Variants in ARHGAP15 observed in about 807,000 individuals in gnomAD.
ARHGAP15 encodes rho GTPase-activating protein 15.
ARHGAP15 carries 51 observed loss-of-function variants against 63.7 expected under a neutral mutation model. The ratio of observed to expected loss-of-function variants is 0.80; its 90% confidence interval spans 0.64 to 1.01. ARHGAP15 has a LOEUF of 1.01. Ranked by LOEUF, ARHGAP15 falls within the 50% of genes least tolerant of loss-of-function variation. ARHGAP15 has a pLI of 0.00. For missense variants in ARHGAP15, 560 were observed against 564.6 expected, an observed-to-expected ratio of 0.99 and a Z score of 0.08; for synonymous variants, 191 against 193.8, an observed-to-expected ratio of 0.99 and a Z score of 0.12.
At chr2:143,211,398 G>T (rs1692558231) in intron 3 of ARHGAP15, among the ~76,000 whole-genome samples, 1 of 151,870 alleles carries the variant, frequency 6.6e-6, no homozygotes, top group South Asian at 2.1e-4. Context: ...TCATTTGGGG[G>T]TAAAATAATG....
chr2:143,470,920 GTATATGTGTA>G (rs1691506630), intron 8 of ARHGAP15, among the ~76,000 whole-genome samples: 1 of 147,614 alleles, frequency 6.8e-6, no homozygotes. Context: ...ACACGTATGT[GTATATGTGTA>G]TATATGTGTG....
chr2:143,337,850 A>G (rs991232700), intron 6 of ARHGAP15, among the ~76,000 whole-genome samples: 1 of 152,228 alleles, frequency 6.6e-6, no homozygotes, highest in Non-Finnish European at 1.5e-5. Flanking sequence ...AGAACACAGC[A>G]TTAAATTAAT....
chr2:143,262,530 C>T (rs1036615915), intron 6 of ARHGAP15, among the ~76,000 whole-genome samples: 2 of 105,168 alleles, frequency 1.9e-5, no homozygotes, highest in African/African-American at 4.1e-5. Context: ...GGGTCTGAAC[C>T]TTTGATTTTT....
At chr2:143,322,135 C>A (rs147047728) in intron 6 of ARHGAP15, among the ~76,000 whole-genome samples, 27 of 152,242 alleles carry the variant, frequency 1.8e-4, no homozygotes, top group Non-Finnish European at 3.5e-4. Context: ...GGAACAGTTC[C>A]AATGAGGCCG....
intron 6 of ARHGAP15, among the ~76,000 whole-genome samples, chr2:143,372,159 T>C (rs1364185853): frequency 6.6e-6 from 1 of 151,458 alleles, no homozygotes; most frequent in African/African-American, 2.4e-5. Flanking sequence ...GGCAACATAG[T>C]GAAACCCCAT....
intron 6 of ARHGAP15, among the ~76,000 whole-genome samples, chr2:143,334,216 C>A (rs1314004776): frequency 6.6e-6 from 1 of 152,126 alleles, no homozygotes; most frequent in Non-Finnish European, 1.5e-5. Context: ...ACAGATCTCT[C>A]TAATTTTTCT....
intron 2 of ARHGAP15, among the ~76,000 whole-genome samples, chr2:143,177,408 C>A (rs1222665437): frequency 1.3e-5 from 2 of 152,140 alleles, no homozygotes. Flanking sequence ...AAAATAGTCC[C>A]CACTCTCACC....
intron 3 of ARHGAP15, among the ~76,000 whole-genome samples, chr2:143,216,009 G>A (rs1359043115): frequency 6.6e-6 from 1 of 152,160 alleles, no homozygotes; most frequent in Admixed American, 6.5e-5. Flanking sequence ...AGGTACATGG[G>A]GAGGCTTGAA....
chr2:143,299,783 G>T (rs1682813910), intron 6 of ARHGAP15, among the ~76,000 whole-genome samples: 1 of 151,890 alleles, frequency 6.6e-6, no homozygotes, highest in African/African-American at 2.4e-5. Flanking sequence ...AGTCATAAGT[G>T]GTGAAAATTT....
chr2:143,526,644 C>G (rs966295314), intron 10 of ARHGAP15, among the ~76,000 whole-genome samples: 1 of 151,974 alleles, frequency 6.6e-6, no homozygotes, highest in African/African-American at 2.4e-5. Context: ...AAGAGTTCCA[C>G]CATAAAAATA....
intron 3 of ARHGAP15, among the ~76,000 whole-genome samples, chr2:143,208,333 A>G (rs1574092666): frequency 6.6e-6 from 1 of 152,336 alleles, no homozygotes; most frequent in Admixed American, 6.5e-5. Flanking sequence ...TTCACTTTAT[A>G]AAATGAAATC....
rs546192141 is a variant in ARHGAP15 at position 143,261,059 on chromosome 2, G to A, written c.474+10459G>A. Among the ~76,000 whole-genome samples, 15 of 152,274 alleles carry A rather than the reference G, an allele frequency of 9.9e-5. No individual in the cohort carries two copies. The East Asian group carries it at 2.9e-3, about 29-fold the overall frequency. On this transcript the variant is annotated intron_variant, in intron 6 of 13. Coordinates refer to ENST00000295095, the MANE Select transcript of ARHGAP15 (RefSeq NM_018460.4). Reference sequence around the variant, plus strand: ...CTCCATAATAGAGATAGTAAACCTTGTAGCTATGGTCAGGATGCCCTAGGT... The same window carrying A: ...CTCCATAATAGAGATAGTAAACCTTATAGCTATGGTCAGGATGCCCTAGGT...
intron 13 of ARHGAP15, among the ~76,000 whole-genome samples, chr2:143,713,861 C>T (rs2105446717): frequency 6.6e-6 from 1 of 152,322 alleles, no homozygotes; most frequent in South Asian, 2.1e-4. Context: ...TTAGGCAGCT[C>T]TGCCCCTGTG....
At chr2:143,221,934 A>G (rs1693017316) in intron 4 of ARHGAP15, among the ~76,000 whole-genome samples, 1 of 152,190 alleles carries the variant, frequency 6.6e-6, no homozygotes, top group African/African-American at 2.4e-5. Context: ...TGTTTGTTTT[A>G]ACAGTTGTTA....
chr2:143,147,517 C>A (rs1689638875), intron 1 of ARHGAP15, among the ~76,000 whole-genome samples: 1 of 151,994 alleles, frequency 6.6e-6, no homozygotes, highest in South Asian at 2.1e-4. Context: ...AATGTAATTA[C>A]AATGGCGCAG....
chr2:143,587,836 T>A (rs190542240), intron 11 of ARHGAP15: 39 of 452,356 alleles, frequency 8.6e-5, no homozygotes, highest in African/African-American at 7.8e-4. Flanking sequence ...ATTTATTAAG[T>A]TTTTTGAGAT....
At chr2:143,295,737 A>T (rs1042628487) in intron 6 of ARHGAP15, 1 of 151,942 alleles carries the variant, frequency 6.6e-6, no homozygotes, top group Non-Finnish European at 1.5e-5. Context: ...ATCTTTATCC[A>T]TTTTTACTTT....
At chr2:143,557,957 T>G (rs1289748312) in intron 11 of ARHGAP15, among the ~76,000 whole-genome samples, 1 of 152,118 alleles carries the variant, frequency 6.6e-6, no homozygotes, top group Non-Finnish European at 1.5e-5. Flanking sequence ...TCCCTGTGCC[T>G]CTGTTTCCTA....
At chr2:143,321,415 G>A (rs924566388) in intron 6 of ARHGAP15, among the ~76,000 whole-genome samples, 5 of 152,118 alleles carry the variant, frequency 3.3e-5, no homozygotes, top group African/African-American at 4.8e-5. Flanking sequence ...TCTCATAGTC[G>A]GTTCACACAA....
Sources: allele counts gnomAD v4.1 joint callset (sites outside exome capture counted in the v4.1 genomes callset), GRCh38; gene constraint gnomAD v4.1.1; transcripts MANE v1.5; gene names NCBI Gene and HGNC (gene_info 2026-07-23, HGNC 2026-07-21).